The following CRTC2 variants were observed in gnomAD, a reference collection of about 807,000 sequenced individuals.
The protein encoded by CRTC2 is CREB regulated transcription coactivator 2.
Under a neutral mutation model 70.9 loss-of-function variants are expected in CRTC2, and 25 were observed. The observed-to-expected ratio is 0.35, with a 90% CI of 0.26 to 0.49. CRTC2 has a LOEUF of 0.49. CRTC2 is among the 20% of genes least tolerant of loss of function. The probability of loss-of-function intolerance (pLI) is 0.98; values close to 1 mark genes in which losing one functional copy is unlikely to be tolerated. For synonymous variants in CRTC2, 330 were observed against 364.1 expected (o/e 0.91, Z 1.07); for missense variants, 737 against 882.6 (o/e 0.83, Z 2.09).
chr1:153,952,861 G>A (rs1377921881), intron 6 of CRTC2, 27 bp from the exon 7 acceptor site: 1 of 1,613,968 alleles, frequency 6.2e-7, no homozygotes, highest in African/African-American at 1.3e-5. Context: ...GGCATTGGCT[G>A]CAGTGCTCAC....
chr1:153,954,800 T>G, intron 3 of CRTC2, 73 bp downstream of exon 3: 1 of 1,301,942 alleles, frequency 7.7e-7, no homozygotes, highest in East Asian at 2.3e-5. Context: ...ACACTTCAAG[T>G]GCTTCCTATG....
At chr1:153,950,953 T>C (rs977054884) in intron 11 of CRTC2, among the ~76,000 whole-genome samples, 1 of 152,218 alleles carries the variant, frequency 6.6e-6, no homozygotes, top group Non-Finnish European at 1.5e-5. Flanking sequence ...ATTTGATCCT[T>C]ATGAACCATC....
intron 1 of CRTC2, 147 bp downstream of exon 1, chr1:153,958,198 C>T (rs1041265527): frequency 2.0e-5 from 28 of 1,434,718 alleles, no homozygotes; most frequent in Non-Finnish European, 2.5e-5. Context: ...GCCCCTCGGC[C>T]CTCAACCTGC....
chr1:153,954,149 G>T, intron 4 of CRTC2, 106 bp downstream of exon 4: 1 of 833,440 alleles, frequency 1.2e-6, no homozygotes, highest in African/African-American at 1.7e-5. Flanking sequence ...AAGAGGTACT[G>T]TTGAAACCTT....
At chr1:153,957,165 C>A (rs1680659751) in intron 1 of CRTC2, among the ~76,000 whole-genome samples, 1 of 151,928 alleles carries the variant, frequency 6.6e-6, no homozygotes, top group Admixed American at 6.6e-5. Context: ...CTTCTGACTC[C>A]CACAAACTAG....
rs574064798 is a variant in CRTC2, at chr1:153,951,379, G to A, written c.1285C>T (p.Arg429Cys). The A allele has an allele frequency of 1.4e-5, 23 of 1,611,580 alleles. No homozygotes were observed. Among genetic ancestry groups the A allele is most frequent in the Middle Eastern group, 3.3e-4 (2 of 6,056 alleles). ...STPGASPHHRRVPLSPLSLLA... is the reference protein window; with the variant it reads ...STPGASPHHRCVPLSPLSLLA... ...AAACTCAGGGGGCTGAGGGGCACAC[G>A]GCGGTGGTGGGGGGAGGCCCCAGGG... is the stretch of plus-strand genomic sequence containing the variant. Residue 429 changes from arginine to cysteine, a missense_variant, in exon 11 of 14, where the codon CGT becomes TGT. By Grantham distance (180) the Arg-to-Cys change is radical. Transcript: ENST00000368633.
chr1:153,957,068 A>G (rs907507834), intron 1 of CRTC2, among the ~76,000 whole-genome samples: 5 of 152,148 alleles, frequency 3.3e-5, no homozygotes, highest in African/African-American at 1.2e-4. Context: ...TAATCCTCAC[A>G]ATGGTTACAG....
chr1:153,957,960 T>C, intron 1 of CRTC2: 2 of 931,322 alleles, frequency 2.1e-6, no homozygotes, highest in Middle Eastern at 1.0e-3. Flanking sequence ...GGAGCCAGGT[T>C]ACAGACAAGC....
rs762868410 is a variant in CRTC2 at position 153,948,143 on chromosome 1, A to G, written c.2048T>C (p.Val683Ala). The G allele has an allele frequency of 1.2e-6, 2 of 1,614,208 alleles. No individual in the cohort carries two copies. The highest frequency in any genetic ancestry group is 3.3e-5 in the Admixed American group (2 of 60,030). The change falls in exon 14 of 14, where the codon GTG becomes GCG. Residue 683 changes from valine to alanine, a missense_variant. Physicochemically the swap from Val to Ala is moderately conservative, Grantham distance 64. This residue lies in a region of CRTC2 where 699 missense variants were observed against 823.7 expected (regional missense o/e 0.85). Coordinates refer to ENST00000368633, the MANE Select transcript of CRTC2 (RefSeq NM_181715.3). ...DPCALLPDPA[V>A]EESFRSDRLQ The stretch of plus-strand genomic sequence containing the variant: ...CCGGTCACTGCGGAATGACTCCTCC[A>G]CAGCAGGATCAGGCAGCAGGGCACA...
chr1:153,952,661 G>C, intron 7 of CRTC2, 26 bp from the exon 8 acceptor site: 2 of 1,613,804 alleles, frequency 1.2e-6, no homozygotes, highest in Non-Finnish European at 1.7e-6. Context: ...CTGGTGATGG[G>C]AGAGTTGGAG....
chr1:153,950,551 G>A (rs565129248), intron 11 of CRTC2, among the ~76,000 whole-genome samples: 2 of 152,306 alleles, frequency 1.3e-5, no homozygotes, highest in South Asian at 4.1e-4. Context: ...AGTAGAGATA[G>A]AGAACAAGAA....
At position 153,948,097 on chromosome 1, in the gene CRTC2, G is replaced by T. The variant is rs1033331886; in HGVS notation, c.*12C>A. ...GGATGGGGCCAAGAAGAGGGATGGT[G>T]ATGAGGTGCCCTCATTGGAGCCGGT... On this transcript the variant is annotated 3_prime_UTR_variant, in exon 14 of 14. Coordinates refer to ENST00000368633, the MANE Select transcript of CRTC2 (RefSeq NM_181715.3). The T allele has an allele frequency of 3.1e-6, 5 of 1,611,414 alleles. No individual in the cohort carries two copies. In the African/African-American group the frequency reaches 6.7e-5, roughly 22 times the overall value.
Position 153,951,599 on chromosome 1 carries a change from G to A in CRTC2, c.1065C>T (p.Ser355=), listed in dbSNP as rs1680325755. The change falls in exon 11 of 14, where the codon TCC becomes TCT. Residue 355 remains serine (S), a synonymous_variant. Coordinates refer to ENST00000368633, the MANE Select transcript of CRTC2 (RefSeq NM_181715.3). ...GAAGCTGGGGCTGAGGACTGCTCAG[G>A]GAAGCCTGGAGGTTGGGATTGCTTA... ...SSLSNPNLQA[S]LSSPQPQLQG... 2.5e-6 allele frequency: 4 copies of A among 1,613,484 alleles called. No individual in the cohort carries two copies. The Admixed American group carries it at 6.7e-5, about 27-fold the overall frequency.
chr1:153,952,878 A>G (rs759129171), intron 6 of CRTC2, 44 bp from the exon 7 acceptor site: 32 of 1,612,630 alleles, frequency 2.0e-5, no homozygotes, highest in Non-Finnish European at 2.7e-5. Flanking sequence ...TCACTTGCCT[A>G]CCTGCTTTAA....
chr1:153,958,096 C>A, intron 1 of CRTC2: 1 of 1,380,424 alleles, frequency 7.2e-7, no homozygotes. Context: ...CCCCTCTCCG[C>A]CCACTCCCAC....
Position 153,958,075 on chromosome 1 carries a change from G to T in CRTC2, c.153+270C>A, listed in dbSNP as rs111439984. ...GGACCACTCACCTCCTACCTCCGCC[G>T]GACTTCATCTCCCCTCTCCGCCCAC... is the stretch of plus-strand genomic sequence containing the variant. On this transcript the variant is annotated intron_variant, in intron 1 of 13. Transcript: ENST00000368633. 6.2e-4 allele frequency: 838 copies of T among 1,351,956 alleles called. 11 individuals carry two copies. The African/African-American group carries it at 0.011, about 18-fold the overall frequency. 83.7% of individuals were successfully genotyped at this position (1,351,956 alleles called of 1,614,324 possible).
rs1369526137 is a variant in CRTC2, at chr1:153,952,393, T to C, written c.752+4A>G. ...CCTCTCAGCCAACCTCAGGGAGTAC[T>C]TACTTAATTCCAGGGACTTCACAGG... On this transcript the variant is annotated splice_donor_region_variant and intron_variant, in intron 9 of 13. Transcript: ENST00000368633. 3.7e-6 allele frequency: 6 copies of C among 1,614,094 alleles called. No homozygotes were observed. Among genetic ancestry groups the C allele is most frequent in the Middle Eastern group, 1.6e-4 (1 of 6,062 alleles).
chr1:153,956,707 C>T (rs756808109), intron 1 of CRTC2, among the ~76,000 whole-genome samples: 1 of 152,168 alleles, frequency 6.6e-6, no homozygotes, highest in Non-Finnish European at 1.5e-5. Context: ...CCCACCTGGC[C>T]AGATAACAGG....
In CRTC2 at chr1:153,958,353, A is replaced by T. The variant is rs571052219; in HGVS notation, c.145T>A (p.Ser49Thr). ...AFEEVMMDIGSTRLQAQKLRL... is the reference protein window; with the variant it reads ...AFEEVMMDIGTTRLQAQKLRL... ...CCGGCGCGGCCCCTCACCCGGGTGG[A>T]GCCGATGTCCATCATCACCTCCTCG... Residue 49 changes from serine (S) to threonine (T), a missense_variant, in exon 1 of 14, where the codon TCC becomes ACC. By Grantham distance (58) the Ser-to-Thr change is moderately conservative (BLOSUM62 1). Transcript: ENST00000368633. The T allele has an allele frequency of 6.2e-7, 1 of 1,612,088 alleles. No homozygotes were observed. Among genetic ancestry groups the T allele is most frequent in the East Asian group, 2.2e-5 (1 of 44,790 alleles).
Sources: gnomAD v4.1 joint callset for allele counts (sites outside exome capture counted in the v4.1 genomes callset) on GRCh38, gnomAD v4.1.1 for gene constraint, gnomAD v4.1.1 regional missense constraint, MANE v1.5 for transcripts, NCBI Gene and HGNC (gene_info 2026-07-23, HGNC 2026-07-21) for gene names.